The following SNX29 variants were observed in gnomAD, a reference collection of about 807,000 sequenced individuals.
SNX29 encodes the protein sorting nexin 29, also known as sorting nexin-29.
A neutral mutation model predicts 102.1 loss-of-function variants in SNX29; 78 were observed. The observed-to-expected ratio is 0.76, with a 90% CI of 0.64 to 0.92. The LOEUF (loss-of-function observed/expected upper bound fraction) is 0.92. SNX29 is among the 40% of genes least tolerant of loss of function. The pLI is 0.00. For missense variants in SNX29, 1,280 were observed against 1,061.7 expected (o/e 1.21, Z -2.86); for synonymous variants, 580 against 414.5 (o/e 1.40, Z -4.85).
At chr16:12,376,897 ATTTCATGTCTTGAGGG>A (rs892018153) in intron 16 of SNX29, among the ~76,000 whole-genome samples, 1 of 151,776 alleles carries the variant, frequency 6.6e-6, no homozygotes, top group Non-Finnish European at 1.5e-5. Flanking sequence ...CATGTCTGTA[ATTTCATGTCTTGAGGG>A]TTGGTTTGGG....
At chr16:12,139,980 C>CAAAAAAAA (rs59169166) in intron 13 of SNX29, among the ~76,000 whole-genome samples, 1 of 88,570 alleles carries the variant, frequency 1.1e-5, no homozygotes. Flanking sequence ...TACCCTGTCT[C>CAAAAAAAA]AAAAAAAAAA....
chr16:12,572,185 C>T lies in SNX29; in HGVS notation c.*3556C>T, dbSNP rs2079201892. On this transcript the variant is annotated 3_prime_UTR_variant, in exon 21 of 21. Coordinates refer to ENST00000566228, the MANE Select transcript of SNX29 (RefSeq NM_032167.5). ...TGATAACCATGTAATTTCTTAGAAC[C>T]ATGGCAGGTAGTATTGTGCTTTAAA... is the stretch of plus-strand genomic sequence containing the variant. The T allele has an allele frequency of 7.2e-6, 7 of 966,506 alleles. No homozygotes were observed. The highest frequency in any genetic ancestry group is 5.2e-5 in the East Asian group (1 of 19,228). 59.9% of individuals were successfully genotyped at this position (966,506 alleles called of 1,614,324 possible). A position where few individuals can be genotyped will look rare whatever the true frequency, so the allele number is the denominator to read the frequency against.
At chr16:12,537,495 G>C (rs1449045247) in intron 20 of SNX29, among the ~76,000 whole-genome samples, 6 of 152,196 alleles carry the variant, frequency 3.9e-5, no homozygotes, top group African/African-American at 1.4e-4. Context: ...GATAGTGGCA[G>C]AGATTTCACA....
At chr16:12,446,042 T>C (rs1009029852) in intron 18 of SNX29, among the ~76,000 whole-genome samples, 2 of 139,306 alleles carry the variant, frequency 1.4e-5, no homozygotes, top group Non-Finnish European at 3.0e-5. Context: ...CAGTAGCTTC[T>C]CATTCTTTTT....
chr16:12,369,679 T>C (rs1431400238), intron 16 of SNX29, among the ~76,000 whole-genome samples: 1 of 152,198 alleles, frequency 6.6e-6, no homozygotes, highest in African/African-American at 2.4e-5. Flanking sequence ...TCCCTCTAGA[T>C]ACTAAGTTAA....
chr16:12,539,549 T>G (rs2141237540), intron 20 of SNX29, among the ~76,000 whole-genome samples: 1 of 152,322 alleles, frequency 6.6e-6, no homozygotes, highest in Admixed American at 6.5e-5. Flanking sequence ...GTGGAAACAT[T>G]CAAGTGCAGC....
intron 19 of SNX29, among the ~76,000 whole-genome samples, chr16:12,512,369 A>AATATATAT (rs58157322): frequency 2.2e-3 from 97 of 43,838 alleles, no homozygotes; most frequent in Non-Finnish European, 3.1e-3. Context: ...GCCCAGGGAA[A>AATATATAT]ATATATATAT....
intron 15 of SNX29, among the ~76,000 whole-genome samples, chr16:12,319,205 C>T (rs2080849699): frequency 6.6e-6 from 1 of 152,180 alleles, no homozygotes; most frequent in South Asian, 2.1e-4. Flanking sequence ...ACCACTCAGT[C>T]AGTGCTGACA....
At chr16:12,259,224 T>G (rs995276024) in intron 14 of SNX29, among the ~76,000 whole-genome samples, 1 of 152,170 alleles carries the variant, frequency 6.6e-6, no homozygotes, top group African/African-American at 2.4e-5. Context: ...CAAGGTCTCC[T>G]TCTCAACGTG....
intron 16 of SNX29, among the ~76,000 whole-genome samples, chr16:12,360,280 C>G (rs894575727): frequency 6.6e-6 from 1 of 152,144 alleles, no homozygotes; most frequent in Non-Finnish European, 1.5e-5. Context: ...CCTCTTCAGG[C>G]TCTGTTAATT....
At chr16:12,048,967 A>T (rs1160123916) in intron 7 of SNX29, among the ~76,000 whole-genome samples, 5 of 152,194 alleles carry the variant, frequency 3.3e-5, no homozygotes, top group African/African-American at 4.8e-5. Flanking sequence ...CGAATAGGAA[A>T]GACAGATTAC....
chr16:12,003,036 G>A lies in SNX29; in HGVS notation c.115G>A (p.Asp39Asn), dbSNP rs748795008. Residue 39 changes from aspartate (D) to asparagine (N), a missense_variant, in exon 3 of 21, where the codon GAC becomes AAC. By Grantham distance (23) the Asp-to-Asn change is conservative. Transcript: ENST00000566228. The part of the protein sequence containing the change: ...GGRKEIASDS[D>N]SRVTCLCAQF... ...GAGAAAGGAGATTGCCTCGGATTCC[G>A]ACAGCAGGTAAATATGTCACTTCTA... 6.2e-7 allele frequency: 1 copy of A among 1,614,132 alleles called. No individual in the cohort carries two copies. Among genetic ancestry groups the A allele is most frequent in the South Asian group, 1.1e-5 (1 of 91,066 alleles).
chr16:12,224,915 C>G (rs950942058), intron 14 of SNX29, among the ~76,000 whole-genome samples: 1 of 152,158 alleles, frequency 6.6e-6, no homozygotes, highest in Non-Finnish European at 1.5e-5. Flanking sequence ...CAGCTCAGAA[C>G]CAAACCTGAG....
chr16:12,374,191 G>A (rs2151391703), intron 16 of SNX29, among the ~76,000 whole-genome samples: 1 of 152,342 alleles, frequency 6.6e-6, no homozygotes, highest in South Asian at 2.1e-4. Flanking sequence ...TTATTCATTG[G>A]ATGCTAATAG....
At chr16:12,308,615 C>T (rs554849332) in intron 15 of SNX29, among the ~76,000 whole-genome samples, 1 of 152,252 alleles carries the variant, frequency 6.6e-6, no homozygotes, top group South Asian at 2.1e-4. Context: ...CAGGGATAAA[C>T]AGGAAACAAG....
intron 9 of SNX29, among the ~76,000 whole-genome samples, chr16:12,067,543 A>G (rs2051091877): frequency 6.6e-6 from 1 of 152,196 alleles, no homozygotes; most frequent in Non-Finnish European, 1.5e-5. Flanking sequence ...GCTGGAGTGC[A>G]GTGACGTAAT....
At chr16:12,537,583 C>T (rs992640810) in intron 20 of SNX29, among the ~76,000 whole-genome samples, 4 of 152,146 alleles carry the variant, frequency 2.6e-5, no homozygotes, top group Admixed American at 6.5e-5. Context: ...TTTGTTTTTA[C>T]TTCTTTGTTC....
chr16:12,017,110 CAGAAT>C (rs1369437897), intron 3 of SNX29, among the ~76,000 whole-genome samples: 1 of 152,148 alleles, frequency 6.6e-6, no homozygotes, highest in African/African-American at 2.4e-5. Flanking sequence ...GTGTGGGTGA[CAGAAT>C]GAGACCCTAT....
chr16:12,448,205 G>C (rs1275706046), intron 18 of SNX29, among the ~76,000 whole-genome samples: 1 of 152,168 alleles, frequency 6.6e-6, no homozygotes, highest in African/African-American at 2.4e-5. Context: ...CAAGGCTTGC[G>C]TCCGGGTCTG....
Sources: gnomAD v4.1 joint callset for allele counts (sites outside exome capture counted in the v4.1 genomes callset) on GRCh38, gnomAD v4.1.1 for gene constraint, MANE v1.5 for transcripts, NCBI Gene and HGNC (gene_info 2026-07-23, HGNC 2026-07-21) for gene names.